The following HSDL1 variants were observed in gnomAD, a reference collection of about 807,000 sequenced individuals.
HSDL1 encodes hydroxysteroid dehydrogenase like 1.
A neutral mutation model predicts 31.5 loss-of-function variants in HSDL1; 29 were observed. The observed-to-expected ratio is 0.92, with a 90% confidence interval of 0.69 to 1.26. The LOEUF (loss-of-function observed/expected upper bound fraction) is 1.26. Ranked by LOEUF, HSDL1 falls within the 50% of genes most tolerant of loss-of-function variation. The pLI, the probability that HSDL1 is intolerant of heterozygous loss-of-function variation, is 0.00. For synonymous variants in HSDL1, 222 were observed against 155.2 expected (o/e 1.43, Z -3.20); for missense variants, 503 against 416.6 (o/e 1.21, Z -1.81).
At chr16:84,144,689 G>A (rs536871617) in intron 1 of HSDL1, among the ~76,000 whole-genome samples, 1 of 152,130 alleles carries the variant, frequency 6.6e-6, no homozygotes, top group African/African-American at 2.4e-5. Flanking sequence ...GTGAGAGGCT[G>A]CAGGGAGGGC....
At position 84,122,721 on chromosome 16, in the gene HSDL1, A is replaced by G. The variant is rs1352734394; in HGVS notation, c.*1909T>C. 6.6e-6 allele frequency: 1 copy of G among 152,162 alleles called. No homozygotes were observed. Among genetic ancestry groups the G allele is most frequent in the Non-Finnish European group, 1.5e-5 (1 of 68,032 alleles). The allele number at this position is 152,162 out of a possible 1,614,324, so 9.4% of individuals were successfully genotyped here. A position where few individuals can be genotyped will look rare whatever the true frequency, so the allele number is the denominator to read the frequency against. ...ATCAACTTTCAAATTAGCTCTGGGGAAAAAAATACATTTAATGAAAGCTAG... is the reference window on the plus strand; with the variant it reads ...ATCAACTTTCAAATTAGCTCTGGGGGAAAAAATACATTTAATGAAAGCTAG... On this transcript the variant is annotated 3_prime_UTR_variant, in exon 6 of 6. Transcript: ENST00000219439.
rs945637119 is a variant in HSDL1, at chr16:84,145,130, G to A, written c.-119C>T. The A allele has an allele frequency of 4.8e-5, 9 of 189,302 alleles. No individual in the cohort carries two copies. Among genetic ancestry groups the A allele is most frequent in the South Asian group, 1.9e-4 (1 of 5,320 alleles). 11.7% of individuals were successfully genotyped at this position (189,302 alleles called of 1,614,324 possible). A position where few individuals can be genotyped will look rare whatever the true frequency, so the allele number is the denominator to read the frequency against. ...CCGGTCCCGCCAGACCCGCGCGGCC[G>A]CCGCCCCCGTCTCGGCCGCCGGAGC... is the stretch of plus-strand genomic sequence containing the variant. On this transcript the variant is annotated 5_prime_UTR_variant, in exon 1 of 6. Coordinates refer to ENST00000219439, the MANE Select transcript of HSDL1 (RefSeq NM_031463.5).
Position 84,131,102 on chromosome 16 carries a change from C to T in HSDL1, c.220G>A (p.Gly74Ser). The stretch of plus-strand genomic sequence containing the variant: ...TTATTTTGATTATAAAGTAGGTTAC[C>T]GCTGACAACGGCCCATCTTCCATAC... Reference protein sequence around the residue: ...KQYGRWAVVSGATDGIGKAYA... With the variant: ...KQYGRWAVVSSATDGIGKAYA... Residue 74 changes from glycine (G) to serine (S), a missense_variant and splice_region_variant, in exon 3 of 6, where the codon GGT (glycine) becomes AGT (serine). By Grantham distance (56) the Gly-to-Ser change is moderately conservative. Transcript: ENST00000219439. 5.0e-6 allele frequency: 8 copies of T among 1,603,480 alleles called. No homozygotes were observed. The highest frequency in any genetic ancestry group is 6.8e-6 in the Non-Finnish European group (8 of 1,171,642).
chr16:84,144,095 CT>C (rs2086807246), intron 1 of HSDL1, among the ~76,000 whole-genome samples: 2 of 148,916 alleles, frequency 1.3e-5, no homozygotes, highest in Non-Finnish European at 1.5e-5. Context: ...TCTCTCTCTC[CT>C]GTGGCGGTCA....
In HSDL1 at chr16:84,124,514, C is replaced by T; in HGVS notation, c.*116G>A. 4.3e-6 allele frequency: 3 copies of T among 703,272 alleles called. No homozygotes were observed. Among genetic ancestry groups the T allele is most frequent in the Non-Finnish European group, 7.7e-6 (3 of 388,126 alleles). 43.6% of individuals were successfully genotyped at this position (703,272 alleles called of 1,614,324 possible). A position where few individuals can be genotyped will look rare whatever the true frequency, so the allele number is the denominator to read the frequency against. ...GTGTGTTTTGCAAATGACGAATCAA[C>T]AGTATGCTGAATAATCAGCAATGAA... On this transcript the variant is annotated 3_prime_UTR_variant, in exon 6 of 6. Coordinates refer to ENST00000219439, the MANE Select transcript of HSDL1 (RefSeq NM_031463.5).
intron 5 of HSDL1, among the ~76,000 whole-genome samples, chr16:84,125,928 C>T (rs1597371047): frequency 1.3e-5 from 2 of 152,056 alleles, no homozygotes; most frequent in Admixed American, 6.5e-5. Context: ...AGGGTGAAAC[C>T]CCATCTCTAC....
At chr16:84,142,377 G>C (rs541521048) in intron 1 of HSDL1, among the ~76,000 whole-genome samples, 1 of 148,722 alleles carries the variant, frequency 6.7e-6, no homozygotes, top group Admixed American at 6.7e-5. Flanking sequence ...TTCAGTTTAA[G>C]TCTTTAATCC....
intron 1 of HSDL1, among the ~76,000 whole-genome samples, chr16:84,141,061 C>T (rs1567524985): frequency 6.7e-6 from 1 of 149,118 alleles, no homozygotes; most frequent in Admixed American, 6.6e-5. Context: ...ACAGCACTCC[C>T]GCCTGGGCGA....
rs1360839025 is a variant in HSDL1, at chr16:84,124,712, T to A, written c.911A>T (p.Tyr304Phe). The A allele has an allele frequency of 6.2e-7, 1 of 1,613,050 alleles. No individual in the cohort carries two copies. The highest frequency in any genetic ancestry group is 8.5e-7 in the Non-Finnish European group (1 of 1,179,186). Residue 304 changes from tyrosine to phenylalanine, a missense_variant, in exon 6 of 6, where the codon TAT becomes TTT. Transcript: ENST00000219439. Reference sequence around the variant, plus strand: ...CCACACCCAGAGCCATTCAGGCATATACTGTGCAAAAAGAAACTAAAAATG... The same window carrying A: ...CCACACCCAGAGCCATTCAGGCATAAACTGTGCAAAAAGAAACTAAAAATG... Reference protein sequence around the residue: ...SHSIQFLFAQYMPEWLWVWGA... With the variant: ...SHSIQFLFAQFMPEWLWVWGA...
In HSDL1 at chr16:84,142,897, T is replaced by C. The variant is rs146297288; in HGVS notation, c.-69+2183A>G. On this transcript the variant is annotated intron_variant, in intron 1 of 5. Coordinates refer to ENST00000219439, the MANE Select transcript of HSDL1 (RefSeq NM_031463.5). ...CGTCAGCACTATGACAAAGTTAGCA[T>C]TGGTGTATCAAGACTTTTTGGGATG... 6.9e-3 allele frequency among the ~76,000 whole-genome samples: 1,055 copies of C among 152,358 alleles called. 3 individuals carry two copies. The highest frequency in any genetic ancestry group is 0.018 in the South Asian group (88 of 4,828).
At chr16:84,130,729 G>C (rs935475802) in intron 3 of HSDL1, among the ~76,000 whole-genome samples, 1 of 152,212 alleles carries the variant, frequency 6.6e-6, no homozygotes, top group Non-Finnish European at 1.5e-5. Flanking sequence ...ATGAGTGGCA[G>C]GAGGTGCTTT....
chr16:84,143,996 C>T (rs1281606567), intron 1 of HSDL1, among the ~76,000 whole-genome samples: 1 of 151,560 alleles, frequency 6.6e-6, no homozygotes, highest in East Asian at 1.9e-4. Context: ...ACAGCCCGGG[C>T]GACAGAGCGA....
intron 1 of HSDL1, among the ~76,000 whole-genome samples, chr16:84,141,189 C>T (rs1167916073): frequency 6.6e-6 from 1 of 151,944 alleles, no homozygotes; most frequent in African/African-American, 2.4e-5. Context: ...GTTTCTTTCA[C>T]TCAACATCAT....
chr16:84,128,208 G>A (rs1000404368), intron 5 of HSDL1, among the ~76,000 whole-genome samples: 3 of 151,550 alleles, frequency 2.0e-5, no homozygotes, highest in African/African-American at 4.8e-5. Flanking sequence ...AGCATCACTT[G>A]AACCCGAGAG....
intron 1 of HSDL1, among the ~76,000 whole-genome samples, chr16:84,137,948 C>G (rs1350326818): frequency 6.6e-6 from 1 of 152,070 alleles, no homozygotes; most frequent in Non-Finnish European, 1.5e-5. Flanking sequence ...TTAACCTGTG[C>G]TACGGTCTGA....
At chr16:84,124,942 C>A in intron 5 of HSDL1, 1 of 382,914 alleles carries the variant, frequency 2.6e-6, no homozygotes, top group East Asian at 4.3e-5. Context: ...AACAAATACC[C>A]ACCAATCAAT....
chr16:84,133,547 T>C (rs1005320069), intron 2 of HSDL1, among the ~76,000 whole-genome samples: 1 of 152,172 alleles, frequency 6.6e-6, no homozygotes, highest in African/African-American at 2.4e-5. Context: ...CTGGCCAAGA[T>C]GGTGAAACCT....
In HSDL1 at chr16:84,145,163, G is replaced by C. The variant is rs927051354; in HGVS notation, c.-152C>G. 27 of 239,588 alleles carry C rather than the reference G, an allele frequency of 1.1e-4. No individual in the cohort carries two copies. The highest frequency in any genetic ancestry group is 2.0e-4 in the Non-Finnish European group (26 of 128,070). The allele number at this position is 239,588 out of a possible 1,614,324, so 14.8% of individuals were successfully genotyped here. On this transcript the variant is annotated 5_prime_UTR_variant, in exon 1 of 6. Transcript: ENST00000219439. ...CGTCTCGGCCGCCGGAGCTGCTGCC[G>C]CGCCGCGCCCTCACGTGACCCGCGT...
Position 84,124,588 on chromosome 16 carries a change from G to A in HSDL1, c.*42C>T, listed in dbSNP as rs369013560. ...TTTTTCCAAATGTCAGAATATCGAG[G>A]TTCCCAGGAGTTGGCAAAACTTCTC... On this transcript the variant is annotated 3_prime_UTR_variant, in exon 6 of 6. Transcript: ENST00000219439. 8.5e-7 allele frequency: 1 copy of A among 1,181,864 alleles called. No homozygotes were observed. Among genetic ancestry groups the A allele is most frequent in the East Asian group, 2.3e-5 (1 of 42,788 alleles). The allele number at this position is 1,181,864 out of a possible 1,614,324, so 73.2% of individuals were successfully genotyped here. A position where few individuals can be genotyped will look rare whatever the true frequency, so the allele number is the denominator to read the frequency against.
Sources: allele counts gnomAD v4.1 joint callset (sites outside exome capture counted in the v4.1 genomes callset), GRCh38; gene constraint gnomAD v4.1.1; transcripts MANE v1.5; gene names NCBI Gene and HGNC (gene_info 2026-07-23, HGNC 2026-07-21).